The following DSCAM variants were observed in gnomAD, a reference collection of about 807,000 sequenced individuals.
DSCAM encodes the protein DS cell adhesion molecule, also known as cell adhesion molecule DSCAM.
A neutral mutation model predicts 217.7 loss-of-function variants in DSCAM; 47 were observed. The ratio of observed to expected loss-of-function variants is 0.22; its 90% CI spans 0.17 to 0.28. The LOEUF (loss-of-function observed/expected upper bound fraction) is 0.28. Among genes scored for constraint, DSCAM ranks in the 10% least tolerant of loss-of-function variants. The pLI is 1.00. For synonymous variants in DSCAM, 1,056 were observed against 1,015.3 expected (o/e 1.04, Z -0.76); for missense variants, 2,080 against 2,618.3 (o/e 0.79, Z 4.49).
At chr21:40,147,183 T>A (rs2090367151) in intron 16 of DSCAM, among the ~76,000 whole-genome samples, 1 of 152,080 alleles carries the variant, frequency 6.6e-6, no homozygotes, top group African/African-American at 2.4e-5. Context: ...GGCTGTGGAG[T>A]CAGGTCAAGA....
chr21:40,818,501 G>T (rs942723400), intron 1 of DSCAM, among the ~76,000 whole-genome samples: 3 of 122,686 alleles, frequency 2.4e-5, no homozygotes, highest in Admixed American at 2.3e-4. Flanking sequence ...AGCCAAGATC[G>T]CACCACTGCA....
rs540312810 is a variant in DSCAM, at chr21:40,013,247, G to C, written c.5826C>G (p.Val1942=). Residue 1942 remains valine, a synonymous_variant, in exon 33 of 33, where the codon GTC becomes GTG. Transcript: ENST00000400454. ...QKSRTLKRPT[V]LEPIPMEAAS... ...CGGCTTCCATCGGGATGGGCTCCAG[G>C]ACCGTGGGGCGCTTCAGGGTCCGGC... 1 of 1,613,942 alleles carries C rather than the reference G, an allele frequency of 6.2e-7. No individual in the cohort carries two copies. Among genetic ancestry groups the C allele is most frequent in the South Asian group, 1.1e-5 (1 of 91,010 alleles).
intron 11 of DSCAM, among the ~76,000 whole-genome samples, chr21:40,219,412 C>T (rs1174087396): frequency 6.6e-6 from 1 of 152,132 alleles, no homozygotes; most frequent in Non-Finnish European, 1.5e-5. Context: ...CTTATTTAAA[C>T]CCATAATTTA....
intron 3 of DSCAM, among the ~76,000 whole-genome samples, chr21:40,577,920 T>C (rs1425216088): frequency 6.6e-6 from 1 of 152,132 alleles, no homozygotes; most frequent in Non-Finnish European, 1.5e-5. Flanking sequence ...TTGGATGTGC[T>C]GGGAGTCAGC....
chr21:40,306,712 TG>T (rs1447490823), intron 9 of DSCAM, among the ~76,000 whole-genome samples: 1 of 152,194 alleles, frequency 6.6e-6, no homozygotes, highest in Non-Finnish European at 1.5e-5. Context: ...ATGTGTTTTT[TG>T]TCTTTGGTTC....
chr21:40,466,463 A>G (rs1410427261), intron 3 of DSCAM, among the ~76,000 whole-genome samples: 1 of 152,168 alleles, frequency 6.6e-6, no homozygotes, highest in African/African-American at 2.4e-5. Context: ...CAATTCTAAC[A>G]AGTGTGTTTC....
intron 11 of DSCAM, among the ~76,000 whole-genome samples, chr21:40,230,440 A>C (rs981782578): frequency 6.6e-6 from 1 of 152,150 alleles, no homozygotes; most frequent in Non-Finnish European, 1.5e-5. Flanking sequence ...TTTTATCTGA[A>C]TAATCAAATC....
At chr21:40,153,688 C>G (rs534080410) in intron 16 of DSCAM, among the ~76,000 whole-genome samples, 29 of 152,272 alleles carry the variant, frequency 1.9e-4, no homozygotes, top group African/African-American at 7.0e-4. Context: ...TGGGGACCCA[C>G]TCAGAGTTCC....
chr21:40,766,638 T>C (rs976891179), intron 1 of DSCAM, among the ~76,000 whole-genome samples: 2 of 104,016 alleles, frequency 1.9e-5, no homozygotes, highest in African/African-American at 7.4e-5. Context: ...TCACCATCAC[T>C]AATGTTTTTA....
intron 1 of DSCAM, among the ~76,000 whole-genome samples, chr21:40,820,722 C>CA (rs2091918060): frequency 6.6e-6 from 1 of 151,932 alleles, no homozygotes; most frequent in South Asian, 2.1e-4. Flanking sequence ...AAGAAAAAAA[C>CA]AAAAAATCAA....
intron 15 of DSCAM, 56 bp downstream of exon 15, chr21:40,178,871 C>G: frequency 6.2e-7 from 1 of 1,607,988 alleles, no homozygotes; most frequent in Non-Finnish European, 8.5e-7. Flanking sequence ...CATCTGAGCC[C>G]TCAAGAGTTA....
chr21:40,563,724 ATG>A (rs2076742308), intron 3 of DSCAM, among the ~76,000 whole-genome samples: 1 of 146,094 alleles, frequency 6.8e-6, no homozygotes, highest in Non-Finnish European at 1.5e-5. Context: ...ATGTTTATAT[ATG>A]TTTATATGTT....
At chr21:40,668,724 A>G (rs2090233331) in intron 3 of DSCAM, among the ~76,000 whole-genome samples, 1 of 152,202 alleles carries the variant, frequency 6.6e-6, no homozygotes, top group Admixed American at 6.5e-5. Context: ...TGTTGAATTA[A>G]TAGATTGTAT....
At chr21:40,245,990 T>G (rs533228795) in intron 11 of DSCAM, among the ~76,000 whole-genome samples, 1 of 152,198 alleles carries the variant, frequency 6.6e-6, no homozygotes, top group South Asian at 2.1e-4. Flanking sequence ...ACCCATCAGA[T>G]TTTTGTTCTC....
At chr21:40,101,695 A>T (rs1304929372) in intron 20 of DSCAM, among the ~76,000 whole-genome samples, 1 of 152,104 alleles carries the variant, frequency 6.6e-6, no homozygotes, top group Non-Finnish European at 1.5e-5. Flanking sequence ...CACACACATA[A>T]AATGTAAAAT....
At chr21:40,658,983 C>G (rs2146375189) in intron 3 of DSCAM, among the ~76,000 whole-genome samples, 1 of 152,234 alleles carries the variant, frequency 6.6e-6, no homozygotes, top group South Asian at 2.1e-4. Flanking sequence ...GAGGCTTCGT[C>G]TTCAAGCCCC....
At chr21:40,725,722 G>T (rs965404968) in intron 1 of DSCAM, among the ~76,000 whole-genome samples, 3 of 152,138 alleles carry the variant, frequency 2.0e-5, no homozygotes, top group African/African-American at 4.8e-5. Context: ...CATTTCTGGG[G>T]TTCTCTGTAG....
At position 40,324,127 on chromosome 21, in the gene DSCAM, A is replaced by G. The variant is rs1447572185; in HGVS notation, c.1784-11768T>C. Among the ~76,000 whole-genome samples, 250 of 129,064 alleles carry G rather than the reference A, an allele frequency of 1.9e-3. 2 individuals carry two copies. Among genetic ancestry groups the G allele is most frequent in the East Asian group, 0.017 (53 of 3,156 alleles). 84.7% of individuals were successfully genotyped at this position (129,064 alleles called of 152,430 possible). A position where few individuals can be genotyped will look rare whatever the true frequency, so the allele number is the denominator to read the frequency against. On this transcript the variant is annotated intron_variant, in intron 8 of 32. Transcript: ENST00000400454. ...TCAAAAAAAAAAAAAAAAAAAAAAA[A>G]AAAAGAAAAAAAAAAGAGAGAGAGA... is the stretch of plus-strand genomic sequence containing the variant.
At chr21:40,773,286 A>T (rs2091462217) in intron 1 of DSCAM, among the ~76,000 whole-genome samples, 1 of 152,210 alleles carries the variant, frequency 6.6e-6, no homozygotes, top group Non-Finnish European at 1.5e-5. Context: ...CAAAATTGAG[A>T]TGTAGGCAGT....
Sources: allele counts gnomAD v4.1 joint callset (sites outside exome capture counted in the v4.1 genomes callset), GRCh38; gene constraint gnomAD v4.1.1; transcripts MANE v1.5; gene names NCBI Gene and HGNC (gene_info 2026-07-23, HGNC 2026-07-21).